CHSY3: variants seen among roughly 807,000 people sequenced by gnomAD.
CHSY3 encodes N-acetylgalactosaminyl-proteoglycan 3-beta-glucuronosyltransferase 3.
Under a neutral mutation model 67.2 loss-of-function variants are expected in CHSY3, and 35 were observed. The ratio of observed to expected loss-of-function variants is 0.52; its 90% confidence interval spans 0.40 to 0.69. CHSY3 has a LOEUF of 0.69. Among genes scored for constraint, CHSY3 ranks in the 30% least tolerant of loss-of-function variants. CHSY3 has a pLI of 0.00. For missense variants in CHSY3, 1,069 were observed against 1,138.5 expected, an observed-to-expected ratio of 0.94 and a Z score of 0.88; for synonymous variants, 474 against 434.7, an observed-to-expected ratio of 1.09 and a Z score of -1.12.
At chr5:130,088,897 A>C (rs1766769361) in intron 2 of CHSY3, among the ~76,000 whole-genome samples, 1 of 152,090 alleles carries the variant, frequency 6.6e-6, no homozygotes. Flanking sequence ...ACTATAAATC[A>C]TGCTGCTATA....
Position 130,101,767 on chromosome 5 carries a change from G to A in CHSY3, c.1087-82462G>A, listed in dbSNP as rs559214358. 3.9e-5 allele frequency among the ~76,000 whole-genome samples: 6 copies of A among 152,104 alleles called. No individual in the cohort carries two copies. In the South Asian group the frequency reaches 1.2e-3, roughly 32 times the overall value. ...GTCATGATATCATAAAAGGGACACT[G>A]GGAAATCATTTGATTCCAAAAAATT... On this transcript the variant is annotated intron_variant, in intron 2 of 2. Coordinates refer to ENST00000305031, the MANE Select transcript of CHSY3 (RefSeq NM_175856.5).
intron 2 of CHSY3, among the ~76,000 whole-genome samples, chr5:130,162,641 T>G (rs893662608): frequency 1.2e-4 from 19 of 152,106 alleles, no homozygotes; most frequent in African/African-American, 4.6e-4. Flanking sequence ...CTCAAGAGAT[T>G]CTCCCGCCTC....
chr5:130,135,163 G>A (rs1033397425), intron 2 of CHSY3, among the ~76,000 whole-genome samples: 1 of 151,402 alleles, frequency 6.6e-6, no homozygotes, highest in Non-Finnish European at 1.5e-5. Context: ...GTATATGAAG[G>A]TATATTAAAT....
At chr5:130,021,897 G>T (rs779375875) in intron 2 of CHSY3, among the ~76,000 whole-genome samples, 11 of 152,036 alleles carry the variant, frequency 7.2e-5, no homozygotes, top group Non-Finnish European at 1.3e-4. Flanking sequence ...TATTGTTTAC[G>T]CATTGTCTTG....
chr5:130,141,880 G>T, intron 2 of CHSY3: 1 of 253,718 alleles, frequency 3.9e-6, no homozygotes, highest in South Asian at 4.3e-5. Flanking sequence ...AGGAATGCCT[G>T]GGGGATTCCC....
At chr5:130,154,518 G>T (rs945172874) in intron 2 of CHSY3, among the ~76,000 whole-genome samples, 2 of 152,132 alleles carry the variant, frequency 1.3e-5, no homozygotes, top group African/African-American at 2.4e-5. Flanking sequence ...CTTCTTAAAT[G>T]CCATGTTTTT....
chr5:130,000,732 C>CTTTTTTTTTTTTTTTTTTT (rs71000946), intron 2 of CHSY3, among the ~76,000 whole-genome samples: 1 of 76,450 alleles, frequency 1.3e-5, no homozygotes, highest in Non-Finnish European at 2.3e-5. Context: ...AACTTTTCTT[C>CTTTTTTTTTTTTTTTTTTT]TTTTTTTTTT....
chr5:130,149,248 T>G (rs1050171076), intron 2 of CHSY3, among the ~76,000 whole-genome samples: 1 of 152,320 alleles, frequency 6.6e-6, no homozygotes, highest in South Asian at 2.1e-4. Flanking sequence ...TGTTCTTGCA[T>G]TGCTATAAAT....
intron 2 of CHSY3, among the ~76,000 whole-genome samples, chr5:130,166,509 C>T (rs978774037): frequency 1.3e-5 from 2 of 152,040 alleles, no homozygotes; most frequent in African/African-American, 4.8e-5. Context: ...TGACTCAAGT[C>T]CTTGTATCTT....
intron 2 of CHSY3, among the ~76,000 whole-genome samples, chr5:130,171,391 T>C (rs1769890133): frequency 6.6e-6 from 1 of 152,180 alleles, no homozygotes; most frequent in African/African-American, 2.4e-5. Flanking sequence ...TTATTTAAAC[T>C]AACAAATGAT....
At position 130,045,614 on chromosome 5, in the gene CHSY3, A is replaced by G. The variant is rs112532464; in HGVS notation, c.1086+137254A>G. Among the ~76,000 whole-genome samples the G allele has an allele frequency of 4.6e-5, 7 of 152,154 alleles. 1 individual carries two copies. Among genetic ancestry groups the G allele is most frequent in the African/African-American group, 1.7e-4 (7 of 41,522 alleles). ...ATCAGTTCTGTCTGTGTGCCTGAAA[A>G]GTTATCTGATGTAGATTTGGTGCTC... On this transcript the variant is annotated intron_variant, in intron 2 of 2. Transcript: ENST00000305031.
intron 2 of CHSY3, among the ~76,000 whole-genome samples, chr5:130,049,916 G>C (rs1008661869): frequency 8.6e-5 from 13 of 151,906 alleles, no homozygotes; most frequent in African/African-American, 3.1e-4. Flanking sequence ...TCATGAGACA[G>C]CAAAATTTCT....
chr5:130,150,034 G>A lies in CHSY3; in HGVS notation c.1087-34195G>A, dbSNP rs139492202. On this transcript the variant is annotated intron_variant, in intron 2 of 2. Coordinates refer to ENST00000305031, the MANE Select transcript of CHSY3 (RefSeq NM_175856.5). ...GTATATAAAAATAATGATGGCTCTC[G>A]TGTGATTTTAGATCAGGGGTGTATT... Among the ~76,000 whole-genome samples the A allele has an allele frequency of 3.2e-3, 489 of 152,210 alleles. 2 individuals carry two copies. The highest frequency in any genetic ancestry group is 0.011 in the African/African-American group (462 of 41,532).
At chr5:130,107,003 T>A (rs925231513) in intron 2 of CHSY3, among the ~76,000 whole-genome samples, 3 of 151,490 alleles carry the variant, frequency 2.0e-5, no homozygotes, top group South Asian at 2.1e-4. Flanking sequence ...ACAATTCTCA[T>A]TTTGTCACTG....
intron 2 of CHSY3, among the ~76,000 whole-genome samples, chr5:129,912,225 A>G (rs1760586137): frequency 6.6e-6 from 1 of 152,224 alleles, no homozygotes; most frequent in Non-Finnish European, 1.5e-5. Flanking sequence ...TTATTATTTA[A>G]TATACATATA....
In CHSY3 at chr5:130,088,972, CA is replaced by C. The variant is rs1394073023; in HGVS notation, c.1087-95254del. Among the ~76,000 whole-genome samples, 191 of 151,950 alleles carry C rather than the reference CA, an allele frequency of 1.3e-3. No homozygotes were observed. In the East Asian group the frequency reaches 0.025, roughly 20 times the overall value. ...CAATAGCAAAGACTTGGAACCAAGC[CA>C]AATGTCCAACAATGATAGACTGGAT... On this transcript the variant is annotated intron_variant, in intron 2 of 2. Coordinates refer to ENST00000305031, the MANE Select transcript of CHSY3 (RefSeq NM_175856.5).
intron 2 of CHSY3, among the ~76,000 whole-genome samples, chr5:130,059,847 T>A (rs1765653349): frequency 6.6e-6 from 1 of 152,182 alleles, no homozygotes; most frequent in Non-Finnish European, 1.5e-5. Context: ...ATATGCCAGA[T>A]GAACTTTATG....
intron 2 of CHSY3, among the ~76,000 whole-genome samples, chr5:129,926,838 C>G (rs1043276366): frequency 6.6e-6 from 1 of 151,544 alleles, no homozygotes; most frequent in East Asian, 1.9e-4. Flanking sequence ...ATATTTGTTA[C>G]ATAATATTTA....
chr5:129,953,612 C>A (rs761992636), intron 2 of CHSY3, among the ~76,000 whole-genome samples: 9 of 152,156 alleles, frequency 5.9e-5, no homozygotes, highest in Non-Finnish European at 1.0e-4. Flanking sequence ...TAAAAATGTT[C>A]TTATTTCTCC....
Sources: gnomAD v4.1 joint callset for allele counts (sites outside exome capture counted in the v4.1 genomes callset) on GRCh38, gnomAD v4.1.1 for gene constraint, MANE v1.5 for transcripts, NCBI Gene and HGNC (gene_info 2026-07-23, HGNC 2026-07-21) for gene names.